GYS2: variants seen among roughly 807,000 people sequenced by gnomAD.
The protein encoded by GYS2 is glycogen synthase 2.
A neutral mutation model predicts 85.6 loss-of-function variants in GYS2; 80 were observed. The observed-to-expected ratio is 0.93, with a 90% CI of 0.78 to 1.13. GYS2 has a LOEUF of 1.13. GYS2 is among the 50% of genes most tolerant of loss of function. GYS2 has a pLI of 0.00. For synonymous variants in GYS2, 328 were observed against 300.7 expected, an observed-to-expected ratio of 1.09 and a Z score of -0.94; for missense variants, 881 against 854.9, an observed-to-expected ratio of 1.03 and a Z score of -0.38.
Position 21,599,583 on chromosome 12 carries a change from A to G in GYS2, c.121+4889T>C, listed in dbSNP as rs561874137. On this transcript the variant is annotated intron_variant, in intron 1 of 15. Coordinates refer to ENST00000261195, the MANE Select transcript of GYS2 (RefSeq NM_021957.4). ...TTTCCTTGAAGCTGTGCAACCAAGC[A>G]TAGTTTTTACATAGATCGTGTGTTT... Among the ~76,000 whole-genome samples the G allele has an allele frequency of 1.8e-3, 267 of 152,328 alleles. 1 individual carries two copies. The highest frequency in any genetic ancestry group is 3.2e-3 in the Non-Finnish European group (216 of 68,020).
chr12:21,578,511 A>G (rs1205238006), intron 2 of GYS2, among the ~76,000 whole-genome samples: 1 of 152,178 alleles, frequency 6.6e-6, no homozygotes, highest in African/African-American at 2.4e-5. Context: ...TAAAGTCATG[A>G]CTACATCTCA....
chr12:21,537,574 C>T (rs1389798975), intron 15 of GYS2, among the ~76,000 whole-genome samples: 1 of 152,110 alleles, frequency 6.6e-6, no homozygotes, highest in Non-Finnish European at 1.5e-5. Flanking sequence ...ACTTTAATGT[C>T]AACTGCCACC....
At chr12:21,538,333 T>C (rs1943933803) in intron 15 of GYS2, among the ~76,000 whole-genome samples, 1 of 152,232 alleles carries the variant, frequency 6.6e-6, no homozygotes, top group African/African-American at 2.4e-5. Context: ...GTCATGTTAT[T>C]AGGGATGGTT....
intron 1 of GYS2, among the ~76,000 whole-genome samples, chr12:21,602,659 T>C (rs1014841071): frequency 6.6e-6 from 1 of 151,890 alleles, no homozygotes; most frequent in Non-Finnish European, 1.5e-5. Context: ...AAAATAAGTA[T>C]TAAAGGCAGC....
chr12:21,554,060 T>G (rs778019383), intron 11 of GYS2, among the ~76,000 whole-genome samples: 1 of 152,158 alleles, frequency 6.6e-6, no homozygotes, highest in Non-Finnish European at 1.5e-5. Flanking sequence ...TTAGCCAATT[T>G]TTATTAATTC....
At chr12:21,590,003 T>C (rs1202179973) in intron 1 of GYS2, among the ~76,000 whole-genome samples, 1 of 152,006 alleles carries the variant, frequency 6.6e-6, no homozygotes, top group South Asian at 2.1e-4. Flanking sequence ...ATAAAGTGTG[T>C]CATTAGAAGT....
intron 2 of GYS2, among the ~76,000 whole-genome samples, chr12:21,578,966 C>G (rs1368551125): frequency 6.6e-6 from 1 of 152,102 alleles, no homozygotes; most frequent in Non-Finnish European, 1.5e-5. Context: ...ATAGAAAAAT[C>G]TCATAATCAC....
chr12:21,558,108 T>C, intron 11 of GYS2, 92 bp downstream of exon 11: 1 of 798,714 alleles, frequency 1.3e-6, no homozygotes, highest in Non-Finnish European at 2.2e-6. Flanking sequence ...ATATTTCTTG[T>C]AGATGTAAAA....
At chr12:21,535,379 A>C (rs1030501170), downstream of GYS2, among the ~76,000 whole-genome samples, 1 of 152,154 alleles carries the variant, frequency 6.6e-6, no homozygotes, top group African/African-American at 2.4e-5. Context: ...TCAGGGAATG[A>C]GCCTATAATA....
chr12:21,588,248 T>G (rs1944595579), intron 1 of GYS2, among the ~76,000 whole-genome samples: 1 of 152,238 alleles, frequency 6.6e-6, no homozygotes, highest in African/African-American at 2.4e-5. Context: ...ACTACAGGTT[T>G]TAATAGCTAC....
At chr12:21,569,600 A>C (rs1177785352) in intron 4 of GYS2, among the ~76,000 whole-genome samples, 2 of 152,228 alleles carry the variant, frequency 1.3e-5, no homozygotes, top group Admixed American at 6.5e-5. Flanking sequence ...TAACTTAAAA[A>C]AAGTCAAATT....
chr12:21,559,329 C>T (rs534937007), intron 9 of GYS2, among the ~76,000 whole-genome samples, 160 bp from the exon 10 acceptor site: 2 of 145,754 alleles, frequency 1.4e-5, no homozygotes, highest in Non-Finnish European at 3.1e-5. Context: ...TATTTAAGTA[C>T]ATATTTAATA....
rs529045241 is a variant in GYS2, at chr12:21,582,692, C to A, written c.122-2169G>T. On this transcript the variant is annotated intron_variant, in intron 1 of 15. Coordinates refer to ENST00000261195, the MANE Select transcript of GYS2 (RefSeq NM_021957.4). ...AGAACCCTAATACAGATTTTGGTAC[C>A]AGGAGTGGTTCTAGAGGAACAGAAT... Among the ~76,000 whole-genome samples the A allele has an allele frequency of 5.0e-4, 76 of 151,768 alleles. 1 individual carries two copies. In the South Asian group the frequency reaches 0.016, roughly 31 times the overall value.
chr12:21,589,176 G>A lies in GYS2; in HGVS notation c.122-8653C>T, dbSNP rs533655955. Among the ~76,000 whole-genome samples, 38 of 152,188 alleles carry A rather than the reference G, an allele frequency of 2.5e-4. No homozygotes were observed. The South Asian group carries it at 6.6e-3, about 27-fold the overall frequency. ...AAAACATCCTTGTTTGTTAGATTAC[G>A]TATTTCAAATTCATATACACTTTGG... On this transcript the variant is annotated intron_variant, in intron 1 of 15. Transcript: ENST00000261195.
chr12:21,546,300 C>G (rs751261407), intron 12 of GYS2, 44 bp downstream of exon 12: 2 of 1,381,550 alleles, frequency 1.4e-6, no homozygotes, highest in Admixed American at 1.7e-5. Flanking sequence ...AAATAATATA[C>G]TAACAAAATT....
chr12:21,563,506 A>T (rs1435275574), intron 5 of GYS2, among the ~76,000 whole-genome samples, 161 bp from the exon 6 acceptor site: 3 of 152,222 alleles, frequency 2.0e-5, no homozygotes, highest in Non-Finnish European at 4.4e-5. Context: ...TTCATAAAAA[A>T]TTCATAAAAA....
At chr12:21,551,736 C>T (rs570941140) in intron 11 of GYS2, among the ~76,000 whole-genome samples, 12 of 152,162 alleles carry the variant, frequency 7.9e-5, no homozygotes, top group Admixed American at 7.8e-4. Context: ...ATTCATAGAA[C>T]ATGATTTGAG....
intron 11 of GYS2, among the ~76,000 whole-genome samples, chr12:21,547,128 T>C (rs542105162): frequency 1.3e-5 from 2 of 152,324 alleles, no homozygotes; most frequent in South Asian, 4.1e-4. Context: ...AGTTGTTCAG[T>C]GGCTTCCCAT....
intron 13 of GYS2, among the ~76,000 whole-genome samples, chr12:21,542,000 C>T (rs570150521): frequency 1.3e-5 from 2 of 152,184 alleles, no homozygotes. Context: ...AGATAATGAC[C>T]TCCAGCTGCG....
Sources: allele counts gnomAD v4.1 joint callset (sites outside exome capture counted in the v4.1 genomes callset), GRCh38; gene constraint gnomAD v4.1.1; transcripts MANE v1.5; gene names NCBI Gene and HGNC (gene_info 2026-07-23, HGNC 2026-07-21).